Variants in B4GALT3 observed in about 807,000 individuals in gnomAD.
B4GALT3 encodes beta-1,4-galactosyltransferase 3.
In B4GALT3, 29 loss-of-function variants were observed where a neutral mutation model predicts 40.7. The ratio of observed to expected loss-of-function variants is 0.71; its 90% confidence interval spans 0.53 to 0.97. The LOEUF is 0.97. Ranked by LOEUF, B4GALT3 falls within the 50% of genes least tolerant of loss-of-function variation. The pLI is 0.00. For synonymous variants in B4GALT3, 182 were observed against 203.9 expected (o/e 0.89, Z 0.92); for missense variants, 390 against 522.3 (o/e 0.75, Z 2.47).
At chr1:161,174,339 T>C (rs1421795710) in intron 4 of B4GALT3, among the ~76,000 whole-genome samples, 2 of 138,540 alleles carry the variant, frequency 1.4e-5, no homozygotes, top group Non-Finnish European at 3.1e-5. Flanking sequence ...ACCCGGGAGG[T>C]GGAGCTTGCA....
At position 161,171,526 on chromosome 1, in the gene B4GALT3, G is replaced by T; in HGVS notation, c.*290C>A. ...TCCATGGAAGAGGGAGGGGCTTGGG[G>T]TCCAGCCCTGCTCCTACTCTAGGGG... On this transcript the variant is annotated 3_prime_UTR_variant, in exon 8 of 8. Coordinates refer to ENST00000319769, the MANE Select transcript of B4GALT3 (RefSeq NM_003779.4). The T allele has an allele frequency of 8.6e-6, 5 of 580,626 alleles. No individual in the cohort carries two copies. The South Asian group carries it at 1.0e-4, about 12-fold the overall frequency. The allele number at this position is 580,626 out of a possible 1,614,324, so 36.0% of individuals were successfully genotyped here.
chr1:161,175,408 A>T (rs1240485788), intron 3 of B4GALT3, among the ~76,000 whole-genome samples, 180 bp from the exon 4 acceptor site: 1 of 152,136 alleles, frequency 6.6e-6, no homozygotes, highest in East Asian at 1.9e-4. Context: ...AAAGGCTGGA[A>T]GGTGCAGGAT....
At chr1:161,172,465 C>A (rs938546664) in intron 6 of B4GALT3, 134 bp from the exon 7 acceptor site, 7 of 731,070 alleles carry the variant, frequency 9.6e-6, no homozygotes, top group Admixed American at 6.4e-5. Flanking sequence ...GGACAGAAGT[C>A]AAACAGAAAG....
intron 1 of B4GALT3, 38 bp downstream of exon 1, chr1:161,177,385 C>T (rs1664021584): frequency 9.6e-6 from 3 of 311,338 alleles, no homozygotes; most frequent in African/African-American, 4.2e-5. Context: ...AAACCTTTAT[C>T]CCAGGCCTCC....
intron 4 of B4GALT3, among the ~76,000 whole-genome samples, chr1:161,174,402 CA>C (rs554703903): frequency 0.022 from 1,237 of 55,732 alleles, 9 homozygotes; most frequent in African/African-American, 0.065. Context: ...AGTGAGATCT[CA>C]AAAAAAAAAA....
At chr1:161,177,361 T>A in intron 1 of B4GALT3, 62 bp downstream of exon 1, 3 of 424,062 alleles carry the variant, frequency 7.1e-6, no homozygotes, top group Non-Finnish European at 1.3e-5. Context: ...AACTTCTCAC[T>A]CTCTCGAATG....
At chr1:161,176,892 T>G (rs1194400904) in intron 1 of B4GALT3, 2 of 1,536,018 alleles carry the variant, frequency 1.3e-6, no homozygotes, top group Non-Finnish European at 1.7e-6. Context: ...GACAGGACCG[T>G]GGAGTGGCCT....
intron 4 of B4GALT3, among the ~76,000 whole-genome samples, chr1:161,174,649 CTT>C (rs1342077542): frequency 6.6e-6 from 1 of 152,176 alleles, no homozygotes; most frequent in Non-Finnish European, 1.5e-5. Flanking sequence ...ATCTTATGCT[CTT>C]TCCTCATGTT....
In B4GALT3 at chr1:161,175,993, A is replaced by G; in HGVS notation, c.68T>C (p.Met23Thr). 1 of 1,614,094 alleles carries G rather than the reference A, an allele frequency of 6.2e-7. No homozygotes were observed. Among genetic ancestry groups the G allele is most frequent in the Non-Finnish European group, 8.5e-7 (1 of 1,180,016 alleles). The change falls in exon 3 of 8, where the codon ATG (methionine) becomes ACG (threonine). Residue 23 changes from methionine (M) to threonine (T), a missense_variant. Coordinates refer to ENST00000319769, the MANE Select transcript of B4GALT3 (RefSeq NM_003779.4). ...ALLVGSQLAV[M>T]MYLSLGGFRS... ...GAAGCCCCCCAGTGACAGGTACATC[A>G]TGACAGCCAGCTGGGAGCCCACAAG...
At position 161,171,641 on chromosome 1, in the gene B4GALT3, T is replaced by C; in HGVS notation, c.*175A>G. ...AGGAGACCCTAGAGAGAGGGACCCC[T>C]CAGGTCTACAGGAGCCCAGCTCCAG... is the stretch of plus-strand genomic sequence containing the variant. On this transcript the variant is annotated 3_prime_UTR_variant, in exon 8 of 8. Coordinates refer to ENST00000319769, the MANE Select transcript of B4GALT3 (RefSeq NM_003779.4). 2.4e-6 allele frequency: 2 copies of C among 837,534 alleles called. No homozygotes were observed. The highest frequency in any genetic ancestry group is 1.8e-6 in the Non-Finnish European group (1 of 549,242). The allele number at this position is 837,534 out of a possible 1,614,324, so 51.9% of individuals were successfully genotyped here.
At chr1:161,176,214 GCA>G (rs1663457521) in intron 2 of B4GALT3, 140 bp from the exon 3 acceptor site, 1 of 894,248 alleles carries the variant, frequency 1.1e-6, no homozygotes, top group Non-Finnish European at 1.7e-6. Context: ...GCACACAGGT[GCA>G]CAGTCACGCA....
rs765591874 is a variant in B4GALT3, at chr1:161,175,903, T to A, written c.158A>T (p.Asp53Val). The change falls in exon 3 of 8, where the codon GAT becomes GTT. Residue 53 changes from aspartate to valine, a missense_variant. Coordinates refer to ENST00000319769, the MANE Select transcript of B4GALT3 (RefSeq NM_003779.4). ...GPTFDYSHPRDVYSNLSHLPG... is the reference protein window; with the variant it reads ...GPTFDYSHPRVVYSNLSHLPG... The stretch of plus-strand genomic sequence containing the variant: ...CAGGTGACTGAGGTTACTGTAGACA[T>A]CACGAGGGTGAGAATAGTCAAATGT... The A allele has an allele frequency of 6.2e-7, 1 of 1,614,108 alleles. No individual in the cohort carries two copies. Among genetic ancestry groups the A allele is most frequent in the South Asian group, 1.1e-5 (1 of 91,074 alleles).
rs1448996985 is a variant in B4GALT3, at chr1:161,171,502, C to T, written c.*314G>A. On this transcript the variant is annotated 3_prime_UTR_variant, in exon 8 of 8. Transcript: ENST00000319769. The stretch of plus-strand genomic sequence containing the variant: ...AGGAGAAGCCAGATCACTCTTCTCT[C>T]CATGGAAGAGGGAGGGGCTTGGGGT... 1.7e-6 allele frequency: 1 copy of T among 579,028 alleles called. No homozygotes were observed. Among genetic ancestry groups the T allele is most frequent in the Non-Finnish European group, 3.0e-6 (1 of 328,468 alleles). The allele number at this position is 579,028 out of a possible 1,614,324, so 35.9% of individuals were successfully genotyped here. A position where few individuals can be genotyped will look rare whatever the true frequency, so the allele number is the denominator to read the frequency against.
intron 1 of B4GALT3, chr1:161,177,047 G>A: frequency 1.3e-6 from 2 of 1,535,934 alleles, no homozygotes; most frequent in Non-Finnish European, 1.7e-6. Context: ...GGTGGGGGTG[G>A]CGTCCTCTAC....
intron 6 of B4GALT3, among the ~76,000 whole-genome samples, chr1:161,172,837 G>A (rs1277019484): frequency 1.3e-5 from 2 of 150,990 alleles, no homozygotes; most frequent in South Asian, 2.1e-4. Flanking sequence ...AGACCAGCCT[G>A]GGAAAATAAT....
chr1:161,173,967 A>G lies in B4GALT3; in HGVS notation c.572T>C (p.Leu191Pro), dbSNP rs763198781. 1.9e-6 allele frequency: 3 copies of G among 1,614,182 alleles called. No individual in the cohort carries two copies. The highest frequency in any genetic ancestry group is 8.5e-7 in the Non-Finnish European group (1 of 1,180,038). ...CAAGAGGTCCACATCGTGCAAGAACAGGCAGTCCCACTCTTCATCACGCAG... is the reference window on the plus strand; with the variant it reads ...CAAGAGGTCCACATCGTGCAAGAACGGGCAGTCCCACTCTTCATCACGCAG... Reference protein sequence around the residue: ...EALRDEEWDCLFLHDVDLLPE... With the variant: ...EALRDEEWDCPFLHDVDLLPE... Residue 191 changes from leucine (L) to proline (P), a missense_variant, in exon 5 of 8, where the codon CTG (leucine) becomes CCG (proline). By Grantham distance (98) the Leu-to-Pro change is moderately conservative. Coordinates refer to ENST00000319769, the MANE Select transcript of B4GALT3 (RefSeq NM_003779.4).
chr1:161,177,116 A>C, intron 1 of B4GALT3: 2 of 1,510,784 alleles, frequency 1.3e-6, no homozygotes, highest in Non-Finnish European at 1.8e-6. Flanking sequence ...GCTGAAGAGA[A>C]AGGGAGAGGG....
In B4GALT3 at chr1:161,171,574, C is replaced by T. The variant is rs1661442612; in HGVS notation, c.*242G>A. ...GGGCAGGGACTCCTAGGAATCGTCA[C>T]ATAAAATCATGACATCAAGGATTCA... On this transcript the variant is annotated 3_prime_UTR_variant, in exon 8 of 8. Coordinates refer to ENST00000319769, the MANE Select transcript of B4GALT3 (RefSeq NM_003779.4). 3 of 617,144 alleles carry T rather than the reference C, an allele frequency of 4.9e-6. No homozygotes were observed. Among genetic ancestry groups the T allele is most frequent in the East Asian group, 2.8e-5 (1 of 35,474 alleles). The allele number at this position is 617,144 out of a possible 1,614,324, so 38.2% of individuals were successfully genotyped here. A position where few individuals can be genotyped will look rare whatever the true frequency, so the allele number is the denominator to read the frequency against.
In B4GALT3 at chr1:161,174,982, A is replaced by G; in HGVS notation, c.489+11T>C. 1 of 1,612,144 alleles carries G rather than the reference A, an allele frequency of 6.2e-7. No individual in the cohort carries two copies. Among genetic ancestry groups the G allele is most frequent in the South Asian group, 1.1e-5 (1 of 90,944 alleles). ...GAAAGTCAGTCAAAATGAGGTGGAG[A>G]TTGGGGGTACCTGGTGGATGACATA... On this transcript the variant is annotated intron_variant, in intron 4 of 7. Transcript: ENST00000319769.
Sources: allele counts gnomAD v4.1 joint callset (sites outside exome capture counted in the v4.1 genomes callset), GRCh38; gene constraint gnomAD v4.1.1; transcripts MANE v1.5; gene names NCBI Gene and HGNC (gene_info 2026-07-23, HGNC 2026-07-21).